The following INPP5A variants were observed in gnomAD, a reference collection of about 807,000 sequenced individuals.
INPP5A encodes inositol polyphosphate-5-phosphatase A.
A neutral mutation model predicts 65.2 loss-of-function variants in INPP5A; 14 were observed. The ratio of observed to expected loss-of-function variants is 0.21; its 90% CI spans 0.14 to 0.34. The LOEUF (loss-of-function observed/expected upper bound fraction) is 0.34. Ranked by LOEUF, INPP5A falls within the 10% of genes least tolerant of loss-of-function variation. The pLI is 1.00. For synonymous variants in INPP5A, 207 were observed against 208.3 expected (o/e 0.99, Z 0.05); for missense variants, 431 against 545.6 (o/e 0.79, Z 2.09).
At position 132,546,254 on chromosome 10, in the gene INPP5A, G is replaced by A. The variant is rs1037323024; in HGVS notation, c.75+8083G>A. 3.3e-5 allele frequency among the ~76,000 whole-genome samples: 5 copies of A among 152,352 alleles called. No homozygotes were observed. The highest frequency in any genetic ancestry group is 5.9e-5 in the Non-Finnish European group (4 of 68,022). On this transcript the variant is annotated intron_variant, in intron 1 of 15. Transcript: ENST00000368594. The surrounding 1 kb of genome is among the most constrained non-coding windows in gnomAD (Gnocchi z 5.7). Reference sequence around the variant, plus strand: ...AGCCCGCGGGGGTCTTGGCGTTGGCGCAGAAGTGGTTTCCCAGCGGCGTGC... The same window carrying A: ...AGCCCGCGGGGGTCTTGGCGTTGGCACAGAAGTGGTTTCCCAGCGGCGTGC...
chr10:132,770,902 A>G (rs1398796967), intron 12 of INPP5A, among the ~76,000 whole-genome samples: 4 of 152,108 alleles, frequency 2.6e-5, no homozygotes, highest in Non-Finnish European at 5.9e-5. Flanking sequence ...GCAGAGCTCA[A>G]GGGAGGGGTC....
intron 1 of INPP5A, among the ~76,000 whole-genome samples, chr10:132,563,839 C>T (rs928575274): frequency 4.6e-5 from 7 of 152,130 alleles, no homozygotes; most frequent in Non-Finnish European, 8.8e-5. Context: ...GGTGGTTTGC[C>T]GCCTGTAGTG....
intron 1 of INPP5A, among the ~76,000 whole-genome samples, chr10:132,540,335 C>T (rs1343293737): frequency 2.6e-5 from 4 of 152,192 alleles, no homozygotes; most frequent in Admixed American, 2.6e-4. Context: ...AACCTATTCT[C>T]TCTGAATTTT....
intron 1 of INPP5A, among the ~76,000 whole-genome samples, chr10:132,577,767 C>T (rs750818516): frequency 1.3e-5 from 2 of 152,184 alleles, no homozygotes; most frequent in Non-Finnish European, 2.9e-5. Context: ...AGCGGTGGTT[C>T]GTGGCCTCCT....
At chr10:132,766,253 C>T (rs1041900675) in intron 12 of INPP5A, among the ~76,000 whole-genome samples, 7 of 152,238 alleles carry the variant, frequency 4.6e-5, no homozygotes, top group Non-Finnish European at 1.0e-4. Flanking sequence ...CTGCCCTTTT[C>T]ATGACATGAA....
At chr10:132,598,352 C>G (rs1270328154) in intron 1 of INPP5A, among the ~76,000 whole-genome samples, 2 of 152,242 alleles carry the variant, frequency 1.3e-5, no homozygotes, top group African/African-American at 4.8e-5. Flanking sequence ...CTCCAGATCT[C>G]TTTTAATCTT....
At chr10:132,758,324 CACCCAT>C (rs1471207582) in intron 11 of INPP5A, among the ~76,000 whole-genome samples, 1 of 93,602 alleles carries the variant, frequency 1.1e-5, no homozygotes. Flanking sequence ...GCTGACCCCA[CACCCAT>C]AGCCCGGCAC....
chr10:132,600,418 GA>G (rs2071760789), intron 1 of INPP5A, among the ~76,000 whole-genome samples: 1 of 152,174 alleles, frequency 6.6e-6, no homozygotes, highest in Non-Finnish European at 1.5e-5. Context: ...ATCTCTATCT[GA>G]GACCACCTCA....
chr10:132,745,867 G>T (rs1045126803), intron 9 of INPP5A, among the ~76,000 whole-genome samples: 1 of 151,988 alleles, frequency 6.6e-6, no homozygotes, highest in African/African-American at 2.4e-5. Context: ...GTGGCCTCGG[G>T]TGTGGTGGGC....
At chr10:132,541,048 T>C (rs1286688179) in intron 1 of INPP5A, among the ~76,000 whole-genome samples, 1 of 146,310 alleles carries the variant, frequency 6.8e-6, no homozygotes, top group African/African-American at 2.5e-5. Flanking sequence ...TAGAGTGCTG[T>C]AGTGGTGCGG....
At chr10:132,604,756 G>A (rs1416943476) in intron 1 of INPP5A, among the ~76,000 whole-genome samples, 1 of 152,212 alleles carries the variant, frequency 6.6e-6, no homozygotes. Flanking sequence ...TTGGTCTGGG[G>A]AAGCTCAGTG....
chr10:132,561,148 G>A (rs374747312), intron 1 of INPP5A, among the ~76,000 whole-genome samples: 1 of 146,998 alleles, frequency 6.8e-6, no homozygotes, highest in Non-Finnish European at 1.5e-5. Context: ...TTGCAACCTC[G>A]ACCTCCTGGG....
chr10:132,682,049 A>G (rs536180744), intron 4 of INPP5A, among the ~76,000 whole-genome samples: 10 of 151,998 alleles, frequency 6.6e-5, no homozygotes, highest in Non-Finnish European at 8.8e-5. Context: ...GCGGGAAGGG[A>G]AGAGCGGGAA....
intron 9 of INPP5A, among the ~76,000 whole-genome samples, chr10:132,736,233 G>A (rs191463149): frequency 6.6e-6 from 1 of 152,234 alleles, no homozygotes. Context: ...GCCTCGCGCG[G>A]TGGCAACTGG....
At chr10:132,778,026 T>C in intron 13 of INPP5A, 1 of 1,115,684 alleles carries the variant, frequency 9.0e-7, no homozygotes. Context: ...GCCAGCGTCA[T>C]CCTGAGTTTG....
chr10:132,611,987 C>CA (rs2071964194), intron 2 of INPP5A, among the ~76,000 whole-genome samples: 3 of 122,848 alleles, frequency 2.4e-5, no homozygotes, highest in African/African-American at 6.6e-5. Flanking sequence ...GAGGCCCTGT[C>CA]AGAGGAAGGT....
At chr10:132,763,336 C>T (rs1212493777) in intron 11 of INPP5A, among the ~76,000 whole-genome samples, 1 of 152,244 alleles carries the variant, frequency 6.6e-6, no homozygotes, top group Non-Finnish European at 1.5e-5. Flanking sequence ...TGCCTCCTCA[C>T]CTCCACACCT....
intron 1 of INPP5A, among the ~76,000 whole-genome samples, chr10:132,601,972 GA>G (rs1440480890): frequency 6.6e-6 from 1 of 152,176 alleles, no homozygotes; most frequent in African/African-American, 2.4e-5. Flanking sequence ...GATTCCATAT[GA>G]ATTTTAGCGT....
chr10:132,546,079 G>A lies in INPP5A; in HGVS notation c.75+7908G>A, dbSNP rs2070966811. Reference sequence around the variant, plus strand: ...TGGGATGAGTGGCCGAGGCGTCTGGGGACGTCCTGGAGCCTGCAGCCCTTG... The same window carrying A: ...TGGGATGAGTGGCCGAGGCGTCTGGAGACGTCCTGGAGCCTGCAGCCCTTG... On this transcript the variant is annotated intron_variant, in intron 1 of 15. Coordinates refer to ENST00000368594, the MANE Select transcript of INPP5A (RefSeq NM_005539.5). This position sits in a 1 kb window ranked among gnomAD's most constrained non-coding sequence, Gnocchi z 5.7. Among the ~76,000 whole-genome samples, 1 of 152,190 alleles carries A rather than the reference G, an allele frequency of 6.6e-6. No homozygotes were observed. The highest frequency in any genetic ancestry group is 6.5e-5 in the Admixed American group (1 of 15,284).
Sources: allele counts gnomAD v4.1 joint callset (sites outside exome capture counted in the v4.1 genomes callset), GRCh38; gene constraint gnomAD v4.1.1; non-coding constraint Gnocchi (gnomAD v3.1); transcripts MANE v1.5; gene names NCBI Gene and HGNC (gene_info 2026-07-23, HGNC 2026-07-21).